The following CDKAL1 variants were observed in gnomAD, a reference collection of about 807,000 sequenced individuals.
CDKAL1 encodes the protein threonylcarbamoyladenosine tRNA methylthiotransferase.
In CDKAL1, 32 loss-of-function variants were observed where a neutral mutation model predicts 68.2. That is an observed-to-expected ratio of 0.47 (90% CI 0.35 to 0.63). The LOEUF (loss-of-function observed/expected upper bound fraction) is 0.63. Among genes scored for constraint, CDKAL1 ranks in the 30% least tolerant of loss-of-function variants. The probability of loss-of-function intolerance (pLI) is 0.00; values close to 1 mark genes in which losing one functional copy is unlikely to be tolerated. For synonymous variants in CDKAL1, 234 were observed against 244.3 expected (o/e 0.96, Z 0.39); for missense variants, 606 against 696.7 (o/e 0.87, Z 1.47).
chr6:20,932,318 A>G (rs1261987873), intron 9 of CDKAL1, among the ~76,000 whole-genome samples: 3 of 152,142 alleles, frequency 2.0e-5, no homozygotes, highest in Admixed American at 6.5e-5. Context: ...TTGGAGTGTC[A>G]GGATCACTGG....
chr6:20,540,178 A>G (rs770775888), intron 2 of CDKAL1, among the ~76,000 whole-genome samples: 60 of 146,026 alleles, frequency 4.1e-4, no homozygotes, highest in Non-Finnish European at 7.7e-4. Context: ...GGCTCAGGCA[A>G]TTCTCCTGCC....
chr6:21,088,479 A>T (rs1378648012), intron 12 of CDKAL1, among the ~76,000 whole-genome samples: 1 of 152,242 alleles, frequency 6.6e-6, no homozygotes, highest in African/African-American at 2.4e-5. Flanking sequence ...ATGGGAAAAG[A>T]TGCAGTCTTA....
chr6:20,897,676 C>T (rs914097881), intron 9 of CDKAL1, among the ~76,000 whole-genome samples: 19 of 151,510 alleles, frequency 1.3e-4, no homozygotes, highest in African/African-American at 3.6e-4. Flanking sequence ...AAAAAGTCTT[C>T]GTGTATGTGT....
chr6:21,108,833 T>G (rs1431860163), intron 13 of CDKAL1, among the ~76,000 whole-genome samples: 1 of 152,194 alleles, frequency 6.6e-6, no homozygotes, highest in African/African-American at 2.4e-5. Flanking sequence ...AAAACTTGAT[T>G]CTTCATTCCT....
chr6:21,012,450 G>A (rs1768075728), intron 11 of CDKAL1, among the ~76,000 whole-genome samples: 1 of 152,182 alleles, frequency 6.6e-6, no homozygotes, highest in African/African-American at 2.4e-5. Context: ...TCTGGGTGAT[G>A]CTCTGTCCTT....
chr6:20,561,416 T>G (rs1447672632), intron 4 of CDKAL1, among the ~76,000 whole-genome samples: 2 of 121,688 alleles, frequency 1.6e-5, no homozygotes, highest in African/African-American at 3.2e-5. Flanking sequence ...CACTCCAGCC[T>G]GGGCGACAGA....
At chr6:21,077,395 A>C (rs1772130730) in intron 12 of CDKAL1, among the ~76,000 whole-genome samples, 1 of 152,186 alleles carries the variant, frequency 6.6e-6, no homozygotes, top group African/African-American at 2.4e-5. Flanking sequence ...CTAATCCCGA[A>C]ACTTGTGAAT....
intron 9 of CDKAL1, among the ~76,000 whole-genome samples, chr6:20,930,130 A>C (rs1763366558): frequency 6.6e-6 from 1 of 152,190 alleles, no homozygotes; most frequent in African/African-American, 2.4e-5. Flanking sequence ...TTTTAAAAAC[A>C]CTTAGTGAGC....
chr6:20,741,383 C>T (rs530696390), intron 6 of CDKAL1, among the ~76,000 whole-genome samples: 14 of 152,062 alleles, frequency 9.2e-5, no homozygotes, highest in Admixed American at 3.3e-4. Flanking sequence ...AGGTTAAACA[C>T]GCGTCTGTTG....
chr6:20,876,339 A>G (rs1760512547), intron 9 of CDKAL1, among the ~76,000 whole-genome samples: 1 of 152,194 alleles, frequency 6.6e-6, no homozygotes, highest in African/African-American at 2.4e-5. Context: ...CGTCAGTACA[A>G]ATGCGGAGGA....
chr6:20,548,862 A>G (rs938287520), intron 4 of CDKAL1, among the ~76,000 whole-genome samples, 157 bp downstream of exon 4: 1 of 152,232 alleles, frequency 6.6e-6, no homozygotes. Context: ...TGGATGTCAT[A>G]TTTAAAAAAA....
chr6:20,770,727 C>T (rs753455958), intron 7 of CDKAL1, among the ~76,000 whole-genome samples: 4 of 152,104 alleles, frequency 2.6e-5, no homozygotes, highest in Non-Finnish European at 5.9e-5. Context: ...CCTGCCAAGT[C>T]TTAATAAATC....
At chr6:20,856,449 T>C (rs954827527) in intron 9 of CDKAL1, among the ~76,000 whole-genome samples, 3 of 152,204 alleles carry the variant, frequency 2.0e-5, no homozygotes, top group African/African-American at 7.2e-5. Context: ...TCTTATGACA[T>C]GGGCTTGATT....
rs1773557518 is a variant in CDKAL1, at chr6:21,101,202, G to A, written c.1237-7199G>A. On this transcript the variant is annotated intron_variant, in intron 12 of 15. Transcript: ENST00000274695. The stretch of plus-strand genomic sequence containing the variant: ...AGTAGCTGAAAGACAGTAGGGAACC[G>A]ATCCAGAATCATAGAGGCTAACAGT... Among the ~76,000 whole-genome samples the A allele has an allele frequency of 2.6e-5, 4 of 152,166 alleles. No homozygotes were observed. The South Asian group carries it at 8.3e-4, about 32-fold the overall frequency.
At chr6:20,739,371 T>A (rs1773342771) in intron 5 of CDKAL1, 148 bp from the exon 6 acceptor site, 6 of 533,148 alleles carry the variant, frequency 1.1e-5, no homozygotes, top group Non-Finnish European at 2.0e-5. Context: ...GAAGTTTTAT[T>A]ATGTGTTCTT....
At chr6:20,741,810 C>G (rs1413801885) in intron 6 of CDKAL1, among the ~76,000 whole-genome samples, 1 of 152,110 alleles carries the variant, frequency 6.6e-6, no homozygotes, top group Non-Finnish European at 1.5e-5. Context: ...ATTTATATTT[C>G]TCTGGGTATA....
chr6:21,018,545 A>G (rs1274696585), intron 11 of CDKAL1, among the ~76,000 whole-genome samples: 1 of 152,200 alleles, frequency 6.6e-6, no homozygotes, highest in Non-Finnish European at 1.5e-5. Flanking sequence ...ATTAAAATGA[A>G]ATTCCTTTAA....
At chr6:21,059,619 C>T (rs143945611) in intron 11 of CDKAL1, among the ~76,000 whole-genome samples, 10 of 152,228 alleles carry the variant, frequency 6.6e-5, no homozygotes, top group East Asian at 1.9e-4. Flanking sequence ...CAGTGGGTTG[C>T]GCCAACCACC....
intron 5 of CDKAL1, among the ~76,000 whole-genome samples, chr6:20,655,248 G>C (rs2127765762): frequency 6.6e-6 from 1 of 152,148 alleles, no homozygotes; most frequent in Admixed American, 6.5e-5. Context: ...TACTGCCTTG[G>C]TCAGGGACTT....
Sources: gnomAD v4.1 joint callset for allele counts (sites outside exome capture counted in the v4.1 genomes callset) on GRCh38, gnomAD v4.1.1 for gene constraint, MANE v1.5 for transcripts, NCBI Gene and HGNC (gene_info 2026-07-23, HGNC 2026-07-21) for gene names.